Variants in MYDGF observed in about 807,000 individuals in gnomAD.
The protein encoded by MYDGF is myeloid-derived growth factor.
Under a neutral mutation model 24.2 loss-of-function variants are expected in MYDGF, and 29 were observed. That is an observed-to-expected ratio of 1.20 (90% CI 0.89 to 1.63). The LOEUF is 1.63. MYDGF is among the 40% of genes most tolerant of loss of function. The pLI is 0.00. For missense variants in MYDGF, 245 were observed against 234.8 expected (o/e 1.04, Z -0.29); for synonymous variants, 105 against 102.5 (o/e 1.02, Z -0.15).
At chr19:4,658,306 G>A (rs1334533538) in intron 5 of MYDGF, among the ~76,000 whole-genome samples, 1 of 152,178 alleles carries the variant, frequency 6.6e-6, no homozygotes, top group Non-Finnish European at 1.5e-5. Context: ...TAGATGGCAG[G>A]CAGCAGGAAG....
chr19:4,665,777 C>T (rs998794747), intron 2 of MYDGF, among the ~76,000 whole-genome samples: 2 of 139,968 alleles, frequency 1.4e-5, no homozygotes, highest in African/African-American at 5.3e-5. Flanking sequence ...GCTGAGATCG[C>T]GCCACTGCAC....
chr19:4,668,814 T>G lies in MYDGF; in HGVS notation c.175-169A>C, dbSNP rs2088540356. On this transcript the variant is annotated intron_variant, in intron 1 of 5. Transcript: ENST00000262947. ...CTCTTGCCTCAGCCTCTCAAGTAAC[T>G]GAGACAATAGGTACGCAACCACCAC... 4 of 561,958 alleles carry G rather than the reference T, an allele frequency of 7.1e-6. No individual in the cohort carries two copies. In the South Asian group the frequency reaches 7.9e-5, roughly 11 times the overall value. The allele number at this position is 561,958 out of a possible 1,614,324, so 34.8% of individuals were successfully genotyped here. A position where few individuals can be genotyped will look rare whatever the true frequency, so the allele number is the denominator to read the frequency against.
At chr19:4,664,246 G>A (rs1325333998) in intron 3 of MYDGF, among the ~76,000 whole-genome samples, 4 of 152,108 alleles carry the variant, frequency 2.6e-5, no homozygotes, top group Admixed American at 2.0e-4. Flanking sequence ...AGGTCTGGCT[G>A]CACACCTCTG....
Position 4,657,818 on chromosome 19 carries a change from G to C in MYDGF, c.*187C>G. ...GCTGTTGGGAGCCAGGAGGGCCCTG[G>C]ACCCTCTGTTCTCTGCCCCAGGGCT... On this transcript the variant is annotated 3_prime_UTR_variant, in exon 6 of 6. Coordinates refer to ENST00000262947, the MANE Select transcript of MYDGF (RefSeq NM_019107.4). The C allele has an allele frequency of 1.9e-6, 1 of 530,122 alleles. No homozygotes were observed. Among genetic ancestry groups the C allele is most frequent in the Non-Finnish European group, 3.4e-6 (1 of 296,630 alleles). The allele number at this position is 530,122 out of a possible 1,614,324, so 32.8% of individuals were successfully genotyped here.
At chr19:4,659,850 A>AC (rs1274818555) in intron 5 of MYDGF, 81 bp downstream of exon 5, 1 of 1,260,748 alleles carries the variant, frequency 7.9e-7, no homozygotes, top group African/African-American at 1.5e-5. Context: ...CCTATGGCTG[A>AC]CCCCCCTCTC....
chr19:4,666,783 G>A (rs1209845225), intron 2 of MYDGF, among the ~76,000 whole-genome samples: 1 of 152,116 alleles, frequency 6.6e-6, no homozygotes, highest in East Asian at 1.9e-4. Flanking sequence ...ATCTCTAGGA[G>A]GCCGGGCACC....
rs145385674 is a variant in MYDGF at position 4,663,181 on chromosome 19, C to T, written c.287+1695G>A. 2.9e-4 allele frequency among the ~76,000 whole-genome samples: 35 copies of T among 119,968 alleles called. 1 individual carries two copies. The highest frequency in any genetic ancestry group is 7.6e-4 in the African/African-American group (19 of 25,044). 78.7% of individuals were successfully genotyped at this position (119,968 alleles called of 152,430 possible). On this transcript the variant is annotated intron_variant, in intron 3 of 5. Coordinates refer to ENST00000262947, the MANE Select transcript of MYDGF (RefSeq NM_019107.4). ...CCCGTCCTGTCCTCATTCTACACAG[C>T]CTCCAATCTACCCTCCCCACCCGTC...
chr19:4,665,778 G>A (rs1032904170), intron 2 of MYDGF, among the ~76,000 whole-genome samples: 6 of 124,516 alleles, frequency 4.8e-5, no homozygotes, highest in Non-Finnish European at 8.0e-5. Flanking sequence ...CTGAGATCGC[G>A]CCACTGCACT....
chr19:4,663,668 A>AACCT, intron 3 of MYDGF, among the ~76,000 whole-genome samples: 1 of 91,732 alleles, frequency 1.1e-5, no homozygotes, highest in Non-Finnish European at 2.1e-5. Context: ...TACAGCCTCC[A>AACCT]GTATACCCTC....
At chr19:4,660,173 T>C (rs1023366388) in intron 4 of MYDGF, among the ~76,000 whole-genome samples, 170 bp from the exon 5 acceptor site, 3 of 152,208 alleles carry the variant, frequency 2.0e-5, no homozygotes, top group African/African-American at 4.8e-5. Flanking sequence ...CTGTCCAGGC[T>C]GGAATGCAGC....
chr19:4,664,998 G>T, intron 2 of MYDGF, 61 bp from the exon 3 acceptor site: 11 of 1,557,680 alleles, frequency 7.1e-6, no homozygotes, highest in Non-Finnish European at 9.6e-6. Flanking sequence ...GAGACTTCTA[G>T]GTGTGCCTCT....
chr19:4,668,428 C>T (rs577272746), intron 2 of MYDGF, among the ~76,000 whole-genome samples, 167 bp downstream of exon 2: 101 of 152,288 alleles, frequency 6.6e-4, no homozygotes, highest in African/African-American at 2.4e-3. Context: ...CAGAATCTGT[C>T]GTCACTGTTT....
chr19:4,663,270 C>A (rs1175799244), intron 3 of MYDGF, among the ~76,000 whole-genome samples: 1 of 133,272 alleles, frequency 7.5e-6, no homozygotes, highest in Non-Finnish European at 1.6e-5. Flanking sequence ...ATTCTACAGC[C>A]TCCAATCTGT....
At chr19:4,660,592 C>G (rs1450838403) in intron 4 of MYDGF, 77 bp downstream of exon 4, 2 of 1,371,310 alleles carry the variant, frequency 1.5e-6, no homozygotes, top group South Asian at 2.4e-5. Flanking sequence ...ATGGAGCCCT[C>G]TTGTGGCAGG....
chr19:4,662,775 GGT>G (rs2088480699), intron 3 of MYDGF, among the ~76,000 whole-genome samples: 1 of 151,994 alleles, frequency 6.6e-6, no homozygotes, highest in Admixed American at 6.6e-5. Flanking sequence ...GGCCCCTTCT[GGT>G]GGGACACATT....
Position 4,657,953 on chromosome 19 carries a change from C to A in MYDGF, c.*52G>T. On this transcript the variant is annotated 3_prime_UTR_variant, in exon 6 of 6. Transcript: ENST00000262947. ...TGCTGGCCCTTTCAGGGACACAGGC[C>A]CCTTCAGCTTCACCGGAGATGAGAA... The A allele has an allele frequency of 6.6e-7, 1 of 1,506,276 alleles. No individual in the cohort carries two copies. Among genetic ancestry groups the A allele is most frequent in the South Asian group, 1.2e-5 (1 of 84,238 alleles). 93.3% of individuals were successfully genotyped at this position (1,506,276 alleles called of 1,614,324 possible).
chr19:4,663,121 A>G (rs1417787021), intron 3 of MYDGF, among the ~76,000 whole-genome samples: 1 of 93,572 alleles, frequency 1.1e-5, no homozygotes, highest in Admixed American at 1.3e-4. Context: ...CACCCACCTC[A>G]TCCTCATTCT....
chr19:4,666,278 T>C (rs2088520851), intron 2 of MYDGF, among the ~76,000 whole-genome samples: 1 of 139,664 alleles, frequency 7.2e-6, no homozygotes, highest in Non-Finnish European at 1.5e-5. Context: ...ACAGTTTTAC[T>C]TTTTTTTTTT....
chr19:4,659,242 AT>A (rs952051822), intron 5 of MYDGF, among the ~76,000 whole-genome samples: 12 of 151,608 alleles, frequency 7.9e-5, no homozygotes, highest in Non-Finnish European at 1.8e-4. Flanking sequence ...TGCCCGGCTA[AT>A]TTTTTTTCTT....
Sources: gnomAD v4.1 joint callset for allele counts (sites outside exome capture counted in the v4.1 genomes callset) on GRCh38, gnomAD v4.1.1 for gene constraint, MANE v1.5 for transcripts, NCBI Gene and HGNC (gene_info 2026-07-23, HGNC 2026-07-21) for gene names.